NCAPD3: variants seen among roughly 807,000 people sequenced by gnomAD.
NCAPD3 encodes non-SMC condensin II complex subunit D3.
A neutral mutation model predicts 182.9 loss-of-function variants in NCAPD3; 105 were observed. The ratio of observed to expected loss-of-function variants is 0.57; its 90% CI spans 0.49 to 0.68. The LOEUF (loss-of-function observed/expected upper bound fraction) is 0.68, where lower values mean the gene tolerates loss of function less well. NCAPD3 is among the 30% of genes least tolerant of loss of function. The pLI is 0.00. For synonymous variants in NCAPD3, 815 were observed against 679.9 expected (o/e 1.20, Z -3.09); for missense variants, 1,944 against 1,837.0 (o/e 1.06, Z -1.07).
At chr11:134,199,353 T>A (rs1944700817) in intron 13 of NCAPD3, among the ~76,000 whole-genome samples, 1 of 152,204 alleles carries the variant, frequency 6.6e-6, no homozygotes, top group African/African-American at 2.4e-5. Context: ...ATATAAATTC[T>A]CCTTTACACA....
chr11:134,164,220 G>A (rs544878969), intron 27 of NCAPD3, among the ~76,000 whole-genome samples: 2 of 152,140 alleles, frequency 1.3e-5, no homozygotes, highest in African/African-American at 2.4e-5. Context: ...TACACTTCCT[G>A]CCAACAAAAG....
In NCAPD3 at chr11:134,152,746, T is replaced by TATTA. The variant is rs1367823086; in HGVS notation, c.*194_*197dup. The stretch of plus-strand genomic sequence containing the variant: ...AGAAAATCTAAATCTGGCACATCTC[T>TATTA]ATTATTTGACAGTGTTTAACCAAAT... On this transcript the variant is annotated 3_prime_UTR_variant, in exon 35 of 35. Transcript: ENST00000534548. 21 of 476,978 alleles carry TATTA rather than the reference T, an allele frequency of 4.4e-5. No individual in the cohort carries two copies. The highest frequency in any genetic ancestry group is 5.3e-4 in the Middle Eastern group (1 of 1,898). The allele number at this position is 476,978 out of a possible 1,614,324, so 29.5% of individuals were successfully genotyped here.
chr11:134,169,621 C>T (rs1455702458), intron 24 of NCAPD3, among the ~76,000 whole-genome samples: 1 of 152,212 alleles, frequency 6.6e-6, no homozygotes, highest in Non-Finnish European at 1.5e-5. Flanking sequence ...CACCAGCAAG[C>T]CCTGGGCACT....
chr11:134,163,776 G>T (rs981615608), intron 27 of NCAPD3, among the ~76,000 whole-genome samples: 9 of 149,112 alleles, frequency 6.0e-5, no homozygotes, highest in African/African-American at 2.0e-4. Flanking sequence ...GGAGGCTGAG[G>T]CAGGAGAATG....
At chr11:134,220,923 T>A (rs1417268132) in intron 1 of NCAPD3, among the ~76,000 whole-genome samples, 197 bp from the exon 2 acceptor site, 1 of 152,238 alleles carries the variant, frequency 6.6e-6, no homozygotes, top group Non-Finnish European at 1.5e-5. Context: ...CAACTGACAC[T>A]GACTATTAAG....
At chr11:134,160,128 C>T in intron 28 of NCAPD3, 54 bp from the exon 29 acceptor site, 2 of 1,575,646 alleles carry the variant, frequency 1.3e-6, no homozygotes, top group African/African-American at 1.3e-5. Flanking sequence ...AAACGTAAAG[C>T]CCTAAACCCC....
intron 1 of NCAPD3, 90 bp from the exon 2 acceptor site, chr11:134,220,816 A>G: frequency 8.1e-7 from 1 of 1,241,720 alleles, no homozygotes; most frequent in East Asian, 2.4e-5. Flanking sequence ...CAAGAGGAGA[A>G]AAGTTTACTA....
chr11:134,167,991 C>A lies in NCAPD3; in HGVS notation c.3573+5G>T. Reference sequence around the variant, plus strand: ...AAGATGATCTTAGGGGAGCAACACACTCACTTGTGAGATGAGCTTCTTCTG... The same window carrying A: ...AAGATGATCTTAGGGGAGCAACACAATCACTTGTGAGATGAGCTTCTTCTG... On this transcript the variant is annotated splice_donor_5th_base_variant and intron_variant, in intron 27 of 34. Coordinates refer to ENST00000534548, the MANE Select transcript of NCAPD3 (RefSeq NM_015261.3). 6.2e-7 allele frequency: 1 copy of A among 1,613,336 alleles called. No individual in the cohort carries two copies. The highest frequency in any genetic ancestry group is 8.5e-7 in the Non-Finnish European group (1 of 1,179,460).
chr11:134,225,279 G>A (rs780349854), upstream of NCAPD3: 11 of 1,614,118 alleles, frequency 6.8e-6, no homozygotes, highest in Non-Finnish European at 9.3e-6. Context: ...GGTGAGCCTT[G>A]CCCTCAAGAA....
chr11:134,168,619 C>T lies in NCAPD3; in HGVS notation c.3240-17G>A. 3.1e-6 allele frequency: 5 copies of T among 1,613,776 alleles called. No individual in the cohort carries two copies. The highest frequency in any genetic ancestry group is 3.4e-6 in the Non-Finnish European group (4 of 1,179,964). On this transcript the variant is annotated splice_polypyrimidine_tract_variant and intron_variant, in intron 25 of 34. Transcript: ENST00000534548. Reference sequence around the variant, plus strand: ...CGCTTCTCTCTGTGGCAGAACGGGACAAGTTCACTGCATCACATGGGCACG... The same window carrying T: ...CGCTTCTCTCTGTGGCAGAACGGGATAAGTTCACTGCATCACATGGGCACG...
In NCAPD3 at chr11:134,158,770, C is replaced by T. The variant is rs537051732; in HGVS notation, c.3868-275G>A. On this transcript the variant is annotated intron_variant, in intron 29 of 34. Coordinates refer to ENST00000534548, the MANE Select transcript of NCAPD3 (RefSeq NM_015261.3). ...CTGTACTGAATACTAGAACTTATTT[C>T]TTCTATCTAACTGTATTTTGGTACC... 2.0e-5 allele frequency among the ~76,000 whole-genome samples: 3 copies of T among 152,236 alleles called. No homozygotes were observed. The East Asian group carries it at 5.8e-4, about 29-fold the overall frequency.
chr11:134,194,254 A>G (rs1175505016), intron 14 of NCAPD3, 104 bp from the exon 15 acceptor site: 2 of 1,261,108 alleles, frequency 1.6e-6, no homozygotes, highest in Non-Finnish European at 2.2e-6. Flanking sequence ...GGTTCTTAAC[A>G]TTTTGGGGTC....
chr11:134,165,266 G>A (rs565060296), intron 27 of NCAPD3, among the ~76,000 whole-genome samples: 7 of 148,334 alleles, frequency 4.7e-5, no homozygotes, highest in South Asian at 4.4e-4. Flanking sequence ...AGCTGAGGGG[G>A]AGCTGCACAC....
rs577629359 is a variant in NCAPD3, at chr11:134,157,068, G to A, written c.4202C>T (p.Ser1401Leu). The A allele has an allele frequency of 9.3e-6, 15 of 1,613,498 alleles. No individual in the cohort carries two copies. The highest frequency in any genetic ancestry group is 5.3e-5 in the African/African-American group (4 of 74,858). Residue 1401 changes from serine to leucine, a missense_variant, in exon 32 of 35, where the codon TCG (serine) becomes TTG (leucine). Ser to Leu is a moderately radical substitution (Grantham distance 145). Around this residue, in one of 3 missense-constraint regions of NCAPD3, gnomAD observed 1,803 missense variants for 1,674.6 expected, o/e 1.08. Transcript: ENST00000534548. ...GGTCACGTGCTCAATCTCGCCATTC[G>A]ACTCTTGCTCCAAACTGTATGAAGA... ...QVSSYSLEQE[S>L]NGEIEHVTKR...
At chr11:134,153,753 A>C (rs1204123490) in intron 32 of NCAPD3, 1 of 237,010 alleles carries the variant, frequency 4.2e-6, no homozygotes, top group South Asian at 6.5e-5. Flanking sequence ...CTGCACCTCC[A>C]CGCGTGCCTG....
At position 134,159,978 on chromosome 11, in the gene NCAPD3, C is replaced by T; in HGVS notation, c.3781G>A (p.Glu1261Lys). 1.2e-6 allele frequency: 2 copies of T among 1,614,174 alleles called. No individual in the cohort carries two copies. The highest frequency in any genetic ancestry group is 1.7e-6 in the Non-Finnish European group (2 of 1,180,040). ...AGCTCCTGCTCCTGGACCAGCTGTT[C>T]CTGGTACTTCTTCATGTCATACTCA... ...ELEYDMKKYQ[E>K]QLVQEQELAK... The change falls in exon 29 of 35, where the codon GAA becomes AAA. Residue 1261 changes from glutamate to lysine, a missense_variant. Glu to Lys is a moderately conservative substitution (Grantham distance 56, BLOSUM62 1). Coordinates refer to ENST00000534548, the MANE Select transcript of NCAPD3 (RefSeq NM_015261.3).
At position 134,168,179 on chromosome 11, in the gene NCAPD3, G is replaced by A. The variant is rs1943914953; in HGVS notation, c.3390C>T (p.Gly1130=). 2 of 1,614,012 alleles carry A rather than the reference G, an allele frequency of 1.2e-6. No homozygotes were observed. Among genetic ancestry groups the A allele is most frequent in the Non-Finnish European group, 1.7e-6 (2 of 1,179,850 alleles). Residue 1130 remains glycine (G), a synonymous_variant, in exon 27 of 35, where the codon GGC becomes GGT. Coordinates refer to ENST00000534548, the MANE Select transcript of NCAPD3 (RefSeq NM_015261.3). ...TGGCGTCCAGGTCCAGGGGTAGGAT[G>A]CCATCAGCAAAGCACGCTGAGAGAC... is the stretch of plus-strand genomic sequence containing the variant. ...CLSILACFAD[G]ILPLDLDASE...
intron 24 of NCAPD3, among the ~76,000 whole-genome samples, chr11:134,175,928 C>T (rs1944149900): frequency 6.6e-6 from 1 of 151,974 alleles, no homozygotes; most frequent in Non-Finnish European, 1.5e-5. Flanking sequence ...AAAGTCTCAG[C>T]TCTTTATCAA....
chr11:134,203,727 C>A lies in NCAPD3; in HGVS notation c.1395G>T (p.Leu465=). Residue 465 remains leucine, a synonymous_variant, in exon 11 of 35, where the codon CTG becomes CTT. Coordinates refer to ENST00000534548, the MANE Select transcript of NCAPD3 (RefSeq NM_015261.3). ...DKAPTVRSKA[L]SSFAHCLELT... is the part of the protein sequence containing the mutation. ...ACTCCAGACAGTGTGCAAAGCTGGA[C>A]AGTGCCTTGCTGCGGACAGTAGGCG... The A allele has an allele frequency of 6.2e-7, 1 of 1,614,160 alleles. No individual in the cohort carries two copies. The highest frequency in any genetic ancestry group is 8.5e-7 in the Non-Finnish European group (1 of 1,180,026).
Sources: gnomAD v4.1 joint callset for allele counts (sites outside exome capture counted in the v4.1 genomes callset) on GRCh38, gnomAD v4.1.1 for gene constraint, gnomAD v4.1.1 regional missense constraint, MANE v1.5 for transcripts, NCBI Gene and HGNC (gene_info 2026-07-23, HGNC 2026-07-21) for gene names.